The following DNHD1 variants were observed in gnomAD, a reference collection of about 807,000 sequenced individuals.
DNHD1 encodes dynein heavy chain domain 1, also known as dynein heavy chain domain-containing protein 1.
DNHD1 carries 383 observed loss-of-function variants against 458.1 expected under a neutral mutation model. That is an observed-to-expected ratio of 0.84 (90% CI 0.77 to 0.91). The LOEUF is 0.91. Ranked by LOEUF, DNHD1 falls within the 40% of genes least tolerant of loss-of-function variation. DNHD1 has a pLI of 0.00. For missense variants in DNHD1, 5,336 were observed against 5,866.1 expected, an observed-to-expected ratio of 0.91 and a Z score of 2.95; for synonymous variants, 2,203 against 2,376.9, an observed-to-expected ratio of 0.93 and a Z score of 2.13.
In DNHD1 at chr11:6,571,049, G is replaced by A. The variant is rs1463555313; in HGVS notation, c.13537G>A (p.Ala4513Thr). ...LDCLLQQLKG[A>T]PPCPSRRCAA... ...TTGCCTGTTGCAGCAGCTGAAGGGC[G>A]CACCCCCGTGCCCCTCCCGCCGCTG... Residue 4513 changes from alanine to threonine, a missense_variant, in exon 42 of 43, where the codon GCA (alanine) becomes ACA (threonine). By Grantham distance (58) the Ala-to-Thr change is moderately conservative (BLOSUM62 0). Coordinates refer to ENST00000254579, the MANE Select transcript of DNHD1 (RefSeq NM_144666.3). The surrounding 1 kb of genome is among the most constrained non-coding windows in gnomAD (Gnocchi z 5.0). The A allele has an allele frequency of 3.2e-6, 5 of 1,576,474 alleles. No homozygotes were observed. The highest frequency in any genetic ancestry group is 2.7e-5 in the African/African-American group (2 of 74,354).
At chr11:6,556,150 A>AT (rs1270666678) in intron 24 of DNHD1, among the ~76,000 whole-genome samples, 2 of 151,906 alleles carry the variant, frequency 1.3e-5, no homozygotes, top group South Asian at 2.1e-4. Flanking sequence ...TTTATTTTTC[A>AT]TTTTTTGTAG....
At chr11:6,528,412 T>C (rs1459679427) in intron 10 of DNHD1, 110 bp from the exon 11 acceptor site, 3 of 1,162,824 alleles carry the variant, frequency 2.6e-6, no homozygotes, top group Non-Finnish European at 3.5e-6. Context: ...TGGGTGTGTG[T>C]GTGTGTGTGT....
At chr11:6,535,211 A>G (rs1308908701) in intron 14 of DNHD1, among the ~76,000 whole-genome samples, 1 of 152,128 alleles carries the variant, frequency 6.6e-6, no homozygotes, top group Non-Finnish European at 1.5e-5. Context: ...ATCACTTTGT[A>G]TTTCTATTGC....
At position 6,512,211 on chromosome 11, in the gene DNHD1, C is replaced by CTTTTTTT. The variant is rs11287049; in HGVS notation, c.1392+803_1392+809dup. On this transcript the variant is annotated intron_variant, in intron 7 of 42. Coordinates refer to ENST00000254579, the MANE Select transcript of DNHD1 (RefSeq NM_144666.3). ...CAAGGAATTTCTTTTCTTTTTCTTTCTTTTTTTTTTTTTTTTTTTTTTTTT... is the reference window on the plus strand; with the variant it reads ...CAAGGAATTTCTTTTCTTTTTCTTTCTTTTTTTTTTTTTTTTTTTTTTTTTTTTTTTT... 6.0e-4 allele frequency among the ~76,000 whole-genome samples: 55 copies of CTTTTTTT among 91,620 alleles called. 2 individuals are homozygous for CTTTTTTT. Among genetic ancestry groups the CTTTTTTT allele is most frequent in the African/African-American group, 2.1e-3 (45 of 21,342 alleles). The allele number at this position is 91,620 out of a possible 152,430, so 60.1% of individuals were successfully genotyped here. A position where few individuals can be genotyped will look rare whatever the true frequency, so the allele number is the denominator to read the frequency against.
intron 9 of DNHD1, 36 bp from the exon 10 acceptor site, chr11:6,520,202 C>A (rs1444546374): frequency 6.3e-7 from 1 of 1,577,538 alleles, no homozygotes; most frequent in Admixed American, 1.9e-5. Context: ...TCATTGCTTT[C>A]CCATTTCTGC....
Position 6,558,139 on chromosome 11 carries a change from T to C in DNHD1, c.8844T>C (p.Gly2948=). 1 of 1,551,722 alleles carries C rather than the reference T, an allele frequency of 6.4e-7. No individual in the cohort carries two copies. The highest frequency in any genetic ancestry group is 8.7e-7 in the Non-Finnish European group (1 of 1,146,988). The change falls in exon 25 of 43, where the codon GGT becomes GGC. Residue 2948 remains glycine, a synonymous_variant. Coordinates refer to ENST00000254579, the MANE Select transcript of DNHD1 (RefSeq NM_144666.3). ...CAGTGGCTCTGTTGGTACCCAGTGG[T>C]GTGGATCTCACTACACTTCATCGCC... ...SQPVALLVPS[G]VDLTTLHRLL...
At chr11:6,511,812 G>C (rs947827725) in intron 7 of DNHD1, among the ~76,000 whole-genome samples, 1 of 152,198 alleles carries the variant, frequency 6.6e-6, no homozygotes, top group South Asian at 2.1e-4. Flanking sequence ...GAAGGCCACT[G>C]TAGTTAGTGG....
At position 6,570,265 on chromosome 11, in the gene DNHD1, G is replaced by T; in HGVS notation, c.12974G>T (p.Gly4325Val). The change falls in exon 41 of 43, where the codon GGT (glycine) becomes GTT (valine). Residue 4325 changes from glycine (G) to valine (V), a missense_variant. Physicochemically the swap from Gly to Val is moderately radical, Grantham distance 109 (BLOSUM62 -3). Coordinates refer to ENST00000254579, the MANE Select transcript of DNHD1 (RefSeq NM_144666.3). ...QELAASVFYG[G>V]PLGDTEDREA... ...TCTTCAGCTTCAGTTTTCTACGGGG[G>T]TCCTCTGGGGGACACTGAGGACAGG... The T allele has an allele frequency of 1.9e-6, 3 of 1,613,726 alleles. No homozygotes were observed. Among genetic ancestry groups the T allele is most frequent in the South Asian group, 2.2e-5 (2 of 91,056 alleles).
At position 6,539,920 on chromosome 11, in the gene DNHD1, A is replaced by G; in HGVS notation, c.3465A>G (p.Ile1155Met). The G allele has an allele frequency of 6.4e-7, 1 of 1,551,720 alleles. No individual in the cohort carries two copies. The highest frequency in any genetic ancestry group is 1.2e-5 in the South Asian group (1 of 84,068). ...AACGAATTCATGCCCAAGAGACTAT[A>G]CGGCGGTTGCAGCGGTACTGGGAAG... ...ENERIHAQET[I>M]RRLQRYWEAR... Residue 1155 changes from isoleucine to methionine, a missense_variant, in exon 18 of 43, where the codon ATA becomes ATG. Ile to Met is a conservative substitution (Grantham distance 10). Transcript: ENST00000254579.
intron 3 of DNHD1, among the ~76,000 whole-genome samples, chr11:6,501,522 A>C (rs922683339): frequency 2.0e-5 from 3 of 152,108 alleles, no homozygotes; most frequent in African/African-American, 7.2e-5. Context: ...ATCGGGGGAC[A>C]GATAAGTGTG....
intron 3 of DNHD1, among the ~76,000 whole-genome samples, chr11:6,501,906 T>G (rs192568365): frequency 3.9e-5 from 6 of 152,332 alleles, no homozygotes; most frequent in Non-Finnish European, 8.8e-5. Context: ...TGTATAAAGG[T>G]TATAAACCAT....
Position 6,564,474 on chromosome 11 carries a change from G to A in DNHD1, c.10426G>A (p.Ala3476Thr), listed in dbSNP as rs1343706341. 8 of 1,551,572 alleles carry A rather than the reference G, an allele frequency of 5.2e-6. No individual in the cohort carries two copies. Among genetic ancestry groups the A allele is most frequent in the South Asian group, 4.8e-5 (4 of 84,070 alleles). Reference sequence around the variant, plus strand: ...AGCTCTGTGTAGGGGCTTTCAGGAGGCTCTGGGCCCAGATGATGTGGCACA... The same window carrying A: ...AGCTCTGTGTAGGGGCTTTCAGGAGACTCTGGGCCCAGATGATGTGGCACA... ...WLALCRGFQE[A>T]LGPDDVAQAL... Residue 3476 changes from alanine (A) to threonine (T), a missense_variant, in exon 32 of 43, where the codon GCT (alanine) becomes ACT (threonine). Ala to Thr is a moderately conservative substitution (Grantham distance 58). Transcript: ENST00000254579.
chr11:6,566,540 G>T (rs1225219876), intron 34 of DNHD1, 47 bp from the exon 35 acceptor site: 1 of 1,602,874 alleles, frequency 6.2e-7, no homozygotes, highest in Non-Finnish European at 8.5e-7. Context: ...TCTACCCCCT[G>T]GCTCTGCCAA....
rs537658111 is a variant in DNHD1 at position 6,527,498 on chromosome 11, A to G, written c.1838-1024A>G. On this transcript the variant is annotated intron_variant, in intron 10 of 42. Transcript: ENST00000254579. ...GGAAGAACAGAGTTTCCATTTACTGAAGTTGGAAGACTGCAGTTTTGGCGG... is the reference window on the plus strand; with the variant it reads ...GGAAGAACAGAGTTTCCATTTACTGGAGTTGGAAGACTGCAGTTTTGGCGG... Among the ~76,000 whole-genome samples, 5 of 152,358 alleles carry G rather than the reference A, an allele frequency of 3.3e-5. No homozygotes were observed. The South Asian group carries it at 6.2e-4, about 19-fold the overall frequency.
Position 6,563,498 on chromosome 11 carries a change from C to T in DNHD1, c.9786C>T (p.Asp3262=). The T allele has an allele frequency of 6.4e-7, 1 of 1,551,708 alleles. No individual in the cohort carries two copies. Among genetic ancestry groups the T allele is most frequent in the Non-Finnish European group, 8.7e-7 (1 of 1,146,994 alleles). The change falls in exon 30 of 43, where the codon GAC becomes GAT. Residue 3262 remains aspartate, a synonymous_variant. Coordinates refer to ENST00000254579, the MANE Select transcript of DNHD1 (RefSeq NM_144666.3). ...SVVRVTDAMC[D]LFHHETGWAS... is the part of the protein sequence containing the mutation. ...TCCGGGTAACTGATGCAATGTGTGA[C>T]TTGTTCCACCATGAAACAGGCTGGG...
chr11:6,564,502 C>T lies in DNHD1; in HGVS notation c.10454C>T (p.Ala3485Val). The change falls in exon 32 of 43, where the codon GCA becomes GTA. Residue 3485 changes from alanine (A) to valine (V), a missense_variant. Ala to Val is a moderately conservative substitution (Grantham distance 64). Transcript: ENST00000254579. ...CTGGGCCCAGATGATGTGGCACAGG[C>T]ACTGAAGCGGAAGCAAAAATCTGTC... ...EALGPDDVAQ[A>V]LKRKQKSVSI... The T allele has an allele frequency of 6.4e-7, 1 of 1,551,726 alleles. No homozygotes were observed.
rs202030664 is a variant in DNHD1, at chr11:6,571,364, G to A, written c.13852G>A (p.Val4618Ile). The change falls in exon 42 of 43, where the codon GTC (valine) becomes ATC (isoleucine). Residue 4618 changes from valine (V) to isoleucine (I), a missense_variant. This residue lies in a region of DNHD1 where 698 missense variants were observed against 664.9 expected (regional missense o/e 1.05). Transcript: ENST00000254579. The surrounding 1 kb of genome is among the most constrained non-coding windows in gnomAD (Gnocchi z 5.0). The stretch of plus-strand genomic sequence containing the variant: ...GAATTTCCCTGGTAGCCGAGGCTCG[G>A]TCTCCAGTCAGCTCCAGTATAAACG... Reference protein sequence around the residue: ...SSNFPGSRGSVSSQLQYKRLE... With the variant: ...SSNFPGSRGSISSQLQYKRLE... 1.1e-5 allele frequency: 18 copies of A among 1,612,300 alleles called. No individual in the cohort carries two copies. The Admixed American group carries it at 2.2e-4, about 19-fold the overall frequency.
intron 10 of DNHD1, among the ~76,000 whole-genome samples, chr11:6,526,434 C>G (rs1044119273): frequency 1.3e-5 from 2 of 152,004 alleles, no homozygotes; most frequent in Non-Finnish European, 2.9e-5. Context: ...GGGATTTATT[C>G]TATGCCTCGC....
In DNHD1 at chr11:6,564,646, C is replaced by T. The variant is rs369368255; in HGVS notation, c.10598C>T (p.Ser3533Leu). ...WDGNLKPQAK[S>L]AHLAGLLLRS... is the part of the protein sequence containing the mutation. ...GGAAACCTGAAGCCACAGGCAAAGT[C>T]GGCCCACCTGGCAGGCTTGCTTCTG... The change falls in exon 32 of 43, where the codon TCG becomes TTG. Residue 3533 changes from serine (S) to leucine (L), a missense_variant. Physicochemically the swap from Ser to Leu is moderately radical, Grantham distance 145. This residue lies in a region of DNHD1 where 3,932 missense variants were observed against 4,365.6 expected (regional missense o/e 0.90). Transcript: ENST00000254579. The T allele has an allele frequency of 1.0e-3, 1,544 of 1,551,572 alleles. 2 individuals carry two copies. The highest frequency in any genetic ancestry group is 1.5e-3 in the South Asian group (129 of 84,064).
Sources: allele counts gnomAD v4.1 joint callset (sites outside exome capture counted in the v4.1 genomes callset), GRCh38; gene constraint gnomAD v4.1.1; regional missense constraint gnomAD v4.1.1; non-coding constraint Gnocchi (gnomAD v3.1); transcripts MANE v1.5; gene names NCBI Gene and HGNC (gene_info 2026-07-23, HGNC 2026-07-21).